RHOJ: variants seen among roughly 807,000 people sequenced by gnomAD.
The protein encoded by RHOJ is rho-related GTP-binding protein RhoJ.
RHOJ carries 11 observed loss-of-function variants against 23.4 expected under a neutral mutation model. The ratio of observed to expected loss-of-function variants is 0.47; its 90% CI spans 0.30 to 0.78. The LOEUF (loss-of-function observed/expected upper bound fraction) is 0.78. Ranked by LOEUF, RHOJ falls within the 30% of genes least tolerant of loss-of-function variation. The pLI is 0.08. For synonymous variants in RHOJ, 102 were observed against 102.7 expected, an observed-to-expected ratio of 0.99 and a Z score of 0.04; for missense variants, 254 against 273.4, an observed-to-expected ratio of 0.93 and a Z score of 0.50.
rs1882294112 is a variant in RHOJ, at chr14:63,292,884, A to T, written c.*1860A>T. On this transcript the variant is annotated 3_prime_UTR_variant, in exon 5 of 5. Transcript: ENST00000316754. ...AAGGATCACTTGAGCCCAGAAGGTA[A>T]GGCTGCAGTGAGCTGTGACTGTGCC... 2.0e-5 allele frequency: 3 copies of T among 150,878 alleles called. No individual in the cohort carries two copies. In the South Asian group the frequency reaches 6.3e-4, roughly 32 times the overall value. 9.3% of individuals were successfully genotyped at this position (150,878 alleles called of 1,614,324 possible). A position where few individuals can be genotyped will look rare whatever the true frequency, so the allele number is the denominator to read the frequency against.
chr14:63,229,641 A>G (rs569471479), intron 1 of RHOJ, among the ~76,000 whole-genome samples: 1 of 152,322 alleles, frequency 6.6e-6, no homozygotes, highest in African/African-American at 2.4e-5. Flanking sequence ...CTCTCAGTGA[A>G]GCACTGCCTT....
At chr14:63,257,558 C>T (rs1025307153) in intron 1 of RHOJ, among the ~76,000 whole-genome samples, 1 of 150,204 alleles carries the variant, frequency 6.7e-6, no homozygotes, top group Non-Finnish European at 1.5e-5. Flanking sequence ...GGAAACCAGA[C>T]TGAACCAGCC....
chr14:63,231,083 T>A (rs1894686279), intron 1 of RHOJ, among the ~76,000 whole-genome samples: 1 of 152,064 alleles, frequency 6.6e-6, no homozygotes, highest in South Asian at 2.1e-4. Flanking sequence ...GAGATGAGGT[T>A]TCACCATGCT....
chr14:63,206,985 C>G (rs1444673889), intron 1 of RHOJ, among the ~76,000 whole-genome samples: 1 of 151,856 alleles, frequency 6.6e-6, no homozygotes, highest in Non-Finnish European at 1.5e-5. Flanking sequence ...AGACATGAAC[C>G]ACATACATCT....
intron 2 of RHOJ, among the ~76,000 whole-genome samples, chr14:63,280,261 G>C (rs1881855428): frequency 6.6e-6 from 1 of 152,150 alleles, no homozygotes; most frequent in Non-Finnish European, 1.5e-5. Context: ...AAGGAATCAG[G>C]TGATCCTCCC....
chr14:63,240,194 A>T (rs2139630814), intron 1 of RHOJ, among the ~76,000 whole-genome samples: 1 of 152,384 alleles, frequency 6.6e-6, no homozygotes, highest in East Asian at 1.9e-4. Flanking sequence ...AAACAAAAAT[A>T]TTAAAAGTTT....
At chr14:63,261,314 A>T (rs942599009) in intron 1 of RHOJ, among the ~76,000 whole-genome samples, 87 of 152,014 alleles carry the variant, frequency 5.7e-4, no homozygotes, top group African/African-American at 2.1e-3. Context: ...TATTGTAACC[A>T]TTTTTCCTGG....
At chr14:63,288,882 G>T (rs950627931) in intron 4 of RHOJ, among the ~76,000 whole-genome samples, 1 of 152,174 alleles carries the variant, frequency 6.6e-6, no homozygotes, top group Admixed American at 6.5e-5. Context: ...TGTGGCCTTT[G>T]AAATAAGTGG....
At chr14:63,255,990 T>G (rs143774467) in intron 1 of RHOJ, among the ~76,000 whole-genome samples, 2,519 of 152,236 alleles carry the variant, frequency 0.017, 82 homozygotes, top group African/African-American at 0.058. Context: ...TGCCTTAGCC[T>G]CCCAAGTCGC....
At position 63,284,162 on chromosome 14, in the gene RHOJ, C is replaced by T. The variant is rs1314055871; in HGVS notation, c.498+946C>T. 3.3e-6 allele frequency: 3 copies of T among 914,720 alleles called. No homozygotes were observed. The East Asian group carries it at 3.5e-4, about 108-fold the overall frequency. 56.7% of individuals were successfully genotyped at this position (914,720 alleles called of 1,614,324 possible). On this transcript the variant is annotated intron_variant, in intron 4 of 4. Coordinates refer to ENST00000316754, the MANE Select transcript of RHOJ (RefSeq NM_020663.5). ...TCAAGAATATTAACTACAAATTCTTCACTTACAAAATTGTATGCATTTATC... is the reference window on the plus strand; with the variant it reads ...TCAAGAATATTAACTACAAATTCTTTACTTACAAAATTGTATGCATTTATC...
chr14:63,249,175 A>G (rs149903826), intron 1 of RHOJ, among the ~76,000 whole-genome samples: 1 of 152,352 alleles, frequency 6.6e-6, no homozygotes, highest in Non-Finnish European at 1.5e-5. Context: ...AAGGAACAAG[A>G]CATGTCCACT....
intron 1 of RHOJ, among the ~76,000 whole-genome samples, chr14:63,220,064 C>G (rs1894455506): frequency 2.0e-5 from 3 of 152,242 alleles, no homozygotes; most frequent in South Asian, 4.2e-4. Context: ...GAAAATTATG[C>G]TGCGATGCAA....
At chr14:63,280,301 G>A (rs1183540703) in intron 2 of RHOJ, among the ~76,000 whole-genome samples, 1 of 152,152 alleles carries the variant, frequency 6.6e-6, no homozygotes, top group African/African-American at 2.4e-5. Context: ...TGGGATTACA[G>A]GCATGAGCCA....
chr14:63,281,872 C>G (rs140768070), intron 3 of RHOJ, among the ~76,000 whole-genome samples: 2 of 152,104 alleles, frequency 1.3e-5, no homozygotes, highest in African/African-American at 4.8e-5. Flanking sequence ...TAGGAATATA[C>G]GAATACTGAA....
At chr14:63,215,256 A>G (rs1894329819) in intron 1 of RHOJ, among the ~76,000 whole-genome samples, 1 of 150,676 alleles carries the variant, frequency 6.6e-6, no homozygotes, top group South Asian at 2.1e-4. Flanking sequence ...CTGGGGAGAG[A>G]CAGATCTTTT....
chr14:63,293,061 T>G lies in RHOJ; in HGVS notation c.*2037T>G, dbSNP rs1882300592. On this transcript the variant is annotated 3_prime_UTR_variant, in exon 5 of 5. Coordinates refer to ENST00000316754, the MANE Select transcript of RHOJ (RefSeq NM_020663.5). ...CTCCAGTGACTGGAAAAACGGGAGT[T>G]TTCAGTCAAAGCTTGACATTTAGAG... 1 of 152,148 alleles carries G rather than the reference T, an allele frequency of 6.6e-6. No homozygotes were observed. The highest frequency in any genetic ancestry group is 1.5e-5 in the Non-Finnish European group (1 of 68,032). The allele number at this position is 152,148 out of a possible 1,614,324, so 9.4% of individuals were successfully genotyped here.
At chr14:63,270,466 C>G (rs535720297) in intron 2 of RHOJ, among the ~76,000 whole-genome samples, 1 of 152,144 alleles carries the variant, frequency 6.6e-6, no homozygotes, top group African/African-American at 2.4e-5. Flanking sequence ...CAACCTCTCA[C>G]GCCAATAGCA....
chr14:63,255,580 T>G, intron 1 of RHOJ, among the ~76,000 whole-genome samples: 1 of 136,838 alleles, frequency 7.3e-6, no homozygotes, highest in Non-Finnish European at 1.6e-5. Context: ...CCCCCAGCCT[T>G]ACCCTCCCCC....
intron 1 of RHOJ, among the ~76,000 whole-genome samples, chr14:63,257,485 G>A (rs1271692484): frequency 2.7e-5 from 4 of 150,174 alleles, no homozygotes; most frequent in East Asian, 4.2e-4. Context: ...TCTGAGCAAC[G>A]AGGTCAGGTT....
Sources: allele counts gnomAD v4.1 joint callset (sites outside exome capture counted in the v4.1 genomes callset), GRCh38; gene constraint gnomAD v4.1.1; transcripts MANE v1.5; gene names NCBI Gene and HGNC (gene_info 2026-07-23, HGNC 2026-07-21).